STARD13: variants seen among roughly 807,000 people sequenced by gnomAD.
The protein encoded by STARD13 is stAR-related lipid transfer protein 13.
A neutral mutation model predicts 106.4 loss-of-function variants in STARD13; 62 were observed. The ratio of observed to expected loss-of-function variants is 0.58; its 90% CI spans 0.48 to 0.72. The LOEUF (loss-of-function observed/expected upper bound fraction) is 0.72. STARD13 is among the 30% of genes least tolerant of loss of function. The pLI, the probability that STARD13 is intolerant of heterozygous loss-of-function variation, is 0.00. For missense variants in STARD13, 1,387 were observed against 1,424.0 expected, an observed-to-expected ratio of 0.97 and a Z score of 0.42; for synonymous variants, 565 against 553.0, an observed-to-expected ratio of 1.02 and a Z score of -0.31.
At chr13:33,479,050 T>C in the STARD13 span, among the ~76,000 whole-genome samples, 3 of 152,292 alleles carry the variant, frequency 2.0e-5, no homozygotes, top group South Asian at 4.1e-4. Context: ...CCAACAGCTC[T>C]ATAGAAAAAT....
At chr13:33,282,248 C>T (rs1279840309) in intron 1 of STARD13, among the ~76,000 whole-genome samples, 1 of 152,122 alleles carries the variant, frequency 6.6e-6, no homozygotes, top group Non-Finnish European at 1.5e-5. Flanking sequence ...AAACAACACC[C>T]TCTTTTAAAC....
At chr13:33,415,043 T>A in the STARD13 span, among the ~76,000 whole-genome samples, 2 of 152,124 alleles carry the variant, frequency 1.3e-5, no homozygotes, top group African/African-American at 2.4e-5. Context: ...TGTATGTATA[T>A]CAATGTTTAT....
intron 3 of STARD13, among the ~76,000 whole-genome samples, chr13:33,163,010 C>G (rs1882813157): frequency 6.6e-6 from 1 of 152,198 alleles, no homozygotes. Flanking sequence ...ATTGGACTTA[C>G]AGTTCCACAT....
chr13:33,235,522 G>C (rs1248199359), intron 1 of STARD13, among the ~76,000 whole-genome samples: 1 of 152,140 alleles, frequency 6.6e-6, no homozygotes, highest in Non-Finnish European at 1.5e-5. Flanking sequence ...AAAAATAGCT[G>C]CTAAGTTGTT....
the STARD13 span, among the ~76,000 whole-genome samples, chr13:33,542,391 A>C: frequency 6.6e-6 from 1 of 152,238 alleles, no homozygotes; most frequent in Non-Finnish European, 1.5e-5. Context: ...GCCTTCCAGA[A>C]ACCTGACTCA....
the STARD13 span, among the ~76,000 whole-genome samples, chr13:33,586,004 G>A: frequency 1.3e-5 from 2 of 152,124 alleles, no homozygotes; most frequent in Non-Finnish European, 2.9e-5. Flanking sequence ...TCTGGAAACC[G>A]GTGATGGTAG....
chr13:33,587,932 T>A, the STARD13 span, among the ~76,000 whole-genome samples: 1 of 152,240 alleles, frequency 6.6e-6, no homozygotes, highest in Admixed American at 6.5e-5. Context: ...TTGGGTTAAA[T>A]AAAAAGTATA....
At chr13:33,151,655 G>T (rs762998878) in intron 3 of STARD13, among the ~76,000 whole-genome samples, 6 of 152,194 alleles carry the variant, frequency 3.9e-5, no homozygotes, top group Non-Finnish European at 8.8e-5. Flanking sequence ...AGATCACAAA[G>T]GATTCAAATG....
At chr13:33,135,007 G>A (rs1178921621) in intron 4 of STARD13, among the ~76,000 whole-genome samples, 2 of 152,202 alleles carry the variant, frequency 1.3e-5, no homozygotes, top group East Asian at 1.9e-4. Flanking sequence ...AGACTCAAAA[G>A]GTCAGTGCCC....
At chr13:33,428,856 G>T in the STARD13 span, among the ~76,000 whole-genome samples, 1 of 152,036 alleles carries the variant, frequency 6.6e-6, no homozygotes, top group East Asian at 1.9e-4. Context: ...TCACAAAATG[G>T]GCAAAAGATT....
At chr13:33,484,871 TA>T in the STARD13 span, among the ~76,000 whole-genome samples, 29 of 152,204 alleles carry the variant, frequency 1.9e-4, no homozygotes, top group African/African-American at 6.5e-4. Flanking sequence ...GATGATACAT[TA>T]AGTATCTAAA....
At chr13:33,113,750 G>A (rs772613726) in intron 8 of STARD13, among the ~76,000 whole-genome samples, 7 of 152,138 alleles carry the variant, frequency 4.6e-5, no homozygotes, top group Non-Finnish European at 1.0e-4. Flanking sequence ...TTGTGGTAGT[G>A]GGTACTGGTT....
intron 1 of STARD13, among the ~76,000 whole-genome samples, chr13:33,309,667 A>G (rs1312856684): frequency 6.6e-6 from 1 of 152,240 alleles, no homozygotes; most frequent in Non-Finnish European, 1.5e-5. Flanking sequence ...CCCTGTGTTC[A>G]GGATTTCCTA....
chr13:33,487,049 C>CT, the STARD13 span, among the ~76,000 whole-genome samples: 1 of 152,340 alleles, frequency 6.6e-6, no homozygotes, highest in East Asian at 1.9e-4. Context: ...TTATTGGTCT[C>CT]TGTCATATTG....
chr13:33,493,877 T>C, the STARD13 span, among the ~76,000 whole-genome samples: 1 of 152,268 alleles, frequency 6.6e-6, no homozygotes, highest in East Asian at 1.9e-4. Context: ...CAAAGGTAGG[T>C]CTGAGTGGAA....
chr13:33,620,702 T>C, the STARD13 span, among the ~76,000 whole-genome samples: 1 of 151,140 alleles, frequency 6.6e-6, no homozygotes, highest in East Asian at 1.9e-4. Flanking sequence ...GACAATAAAA[T>C]ATATAAATAA....
At chr13:33,205,509 G>C (rs1022785604) in intron 1 of STARD13, among the ~76,000 whole-genome samples, 2 of 152,136 alleles carry the variant, frequency 1.3e-5, no homozygotes, top group African/African-American at 4.8e-5. Context: ...GTTATAAATA[G>C]AGAGAGAAGG....
chr13:33,364,272 C>T, the STARD13 span, among the ~76,000 whole-genome samples: 1 of 152,062 alleles, frequency 6.6e-6, no homozygotes, highest in Non-Finnish European at 1.5e-5. Context: ...TCGAGACCAA[C>T]CTAAGCAACA....
At chr13:33,589,577 A>G in the STARD13 span, among the ~76,000 whole-genome samples, 7 of 152,184 alleles carry the variant, frequency 4.6e-5, no homozygotes, top group Non-Finnish European at 7.3e-5. Flanking sequence ...ATTCAGGAGC[A>G]GGTTGTTCAG....
Sources: gnomAD v4.1 joint callset for allele counts (sites outside exome capture counted in the v4.1 genomes callset) on GRCh38, gnomAD v4.1.1 for gene constraint, MANE v1.5 for transcripts, NCBI Gene and HGNC (gene_info 2026-07-23, HGNC 2026-07-21) for gene names.